Variants in UROC1 observed in about 807,000 individuals in gnomAD.
The protein encoded by UROC1 is urocanate hydratase 1.
UROC1 carries 79 observed loss-of-function variants against 89.5 expected under a neutral mutation model. The ratio of observed to expected loss-of-function variants is 0.88; its 90% CI spans 0.74 to 1.06. The LOEUF is 1.06. Among genes scored for constraint, UROC1 ranks in the 50% least tolerant of loss-of-function variants. The pLI, the probability that UROC1 is intolerant of heterozygous loss-of-function variation, is 0.00. For missense variants in UROC1, 885 were observed against 907.8 expected, an observed-to-expected ratio of 0.97 and a Z score of 0.32; for synonymous variants, 361 against 354.8, an observed-to-expected ratio of 1.02 and a Z score of -0.20.
chr3:126,513,285 T>C (rs1469799950), intron 1 of UROC1, among the ~76,000 whole-genome samples: 1 of 152,230 alleles, frequency 6.6e-6, no homozygotes, highest in East Asian at 1.9e-4. Flanking sequence ...CCAGAAACCA[T>C]GGCCACTATC....
intron 1 of UROC1, among the ~76,000 whole-genome samples, chr3:126,515,285 A>G (rs1421467028): frequency 1.3e-5 from 2 of 151,884 alleles, no homozygotes; most frequent in African/African-American, 4.8e-5. Context: ...GGGAGGAAAC[A>G]TTAACAACAC....
chr3:126,497,381 T>A (rs565440268), intron 14 of UROC1, among the ~76,000 whole-genome samples: 1 of 152,128 alleles, frequency 6.6e-6, no homozygotes, highest in Non-Finnish European at 1.5e-5. Flanking sequence ...GAACAAAGGT[T>A]GGTTAAAACC....
chr3:126,511,212 G>T (rs1410992752), intron 1 of UROC1, among the ~76,000 whole-genome samples: 1 of 152,146 alleles, frequency 6.6e-6, no homozygotes, highest in Non-Finnish European at 1.5e-5. Flanking sequence ...ATAAGAAAAA[G>T]CTGTCAAAAG....
chr3:126,505,628 G>A (rs1421557451), intron 8 of UROC1, 73 bp downstream of exon 8: 24 of 1,584,738 alleles, frequency 1.5e-5, no homozygotes, highest in Admixed American at 3.5e-5. Flanking sequence ...TAAGTGATCC[G>A]GGAGGAAGAA....
At chr3:126,483,106 C>A (rs1318016226) in intron 19 of UROC1, among the ~76,000 whole-genome samples, 1 of 152,216 alleles carries the variant, frequency 6.6e-6, no homozygotes. Context: ...AGCCCAGGGG[C>A]TTTCAGTCAC....
intron 19 of UROC1, among the ~76,000 whole-genome samples, chr3:126,482,837 C>G (rs1935420288): frequency 1.3e-5 from 2 of 152,238 alleles, no homozygotes; most frequent in African/African-American, 4.8e-5. Context: ...CACCTGGTCT[C>G]CCCTGGATGA....
At position 126,481,691 on chromosome 3, in the gene UROC1, C is replaced by A. The variant is rs1160488116; in HGVS notation, c.*654G>T. 1.3e-5 allele frequency: 2 copies of A among 152,228 alleles called. No individual in the cohort carries two copies. The highest frequency in any genetic ancestry group is 4.8e-5 in the African/African-American group (2 of 41,432). 9.4% of individuals were successfully genotyped at this position (152,228 alleles called of 1,614,324 possible). A position where few individuals can be genotyped will look rare whatever the true frequency, so the allele number is the denominator to read the frequency against. ...ATGGGATTGGGGAAGGGGTGCCAGA[C>A]TCCAGCCTCAGGGGCCAGCAAAGGG... On this transcript the variant is annotated 3_prime_UTR_variant, in exon 20 of 20. Transcript: ENST00000290868.
intron 11 of UROC1, 72 bp from the exon 12 acceptor site, chr3:126,500,226 C>T: frequency 6.8e-7 from 1 of 1,463,586 alleles, no homozygotes; most frequent in Non-Finnish European, 9.4e-7. Context: ...CCCTCAGTCG[C>T]ACCCGCCATG....
intron 17 of UROC1, 62 bp downstream of exon 17, chr3:126,489,213 GC>G (rs966528395): frequency 1.4e-6 from 2 of 1,447,706 alleles, no homozygotes; most frequent in African/African-American, 2.8e-5. Flanking sequence ...CTGACTAAAT[GC>G]ATCAATTTTT....
intron 16 of UROC1, 119 bp from the exon 17 acceptor site, chr3:126,489,494 G>T (rs1480773322): frequency 1.3e-6 from 1 of 786,724 alleles, no homozygotes; most frequent in Non-Finnish European, 2.2e-6. Context: ...CTGGAAAATA[G>T]ACCCTCTTCA....
Position 126,517,709 on chromosome 3 carries a change from A to G in UROC1, c.11T>C (p.Leu4Pro), listed in dbSNP as rs996153552. The G allele has an allele frequency of 2.5e-6, 4 of 1,579,990 alleles. No individual in the cohort carries two copies. The highest frequency in any genetic ancestry group is 3.4e-6 in the Non-Finnish European group (4 of 1,163,438). ...GGGCAGGCCAGAGCACAGCGCCTGGAGGCTAGACATGTGTGACTGAGATGG... is the reference window on the plus strand; with the variant it reads ...GGGCAGGCCAGAGCACAGCGCCTGGGGGCTAGACATGTGTGACTGAGATGG... Reference protein sequence around the residue: MSSLQALCSGLPLR... With the variant: MSSPQALCSGLPLR... The change falls in exon 1 of 20, where the codon CTC becomes CCC. Residue 4 changes from leucine to proline, a missense_variant. Leu to Pro is a moderately conservative substitution (Grantham distance 98). Transcript: ENST00000290868.
At chr3:126,499,228 G>C (rs1935851585) in intron 13 of UROC1, 109 bp downstream of exon 13, 1 of 1,206,382 alleles carries the variant, frequency 8.3e-7, no homozygotes, top group Admixed American at 1.9e-5. Context: ...ATGACCTCAG[G>C]GGCGGTCAGA....
intron 6 of UROC1, 118 bp downstream of exon 6, chr3:126,507,624 A>G (rs186817105): frequency 1.3e-5 from 14 of 1,063,746 alleles, no homozygotes; most frequent in Middle Eastern, 2.0e-4. Flanking sequence ...AAAATTAATT[A>G]TGCTACAGTT....
chr3:126,494,547 G>A (rs965700420), intron 15 of UROC1, among the ~76,000 whole-genome samples: 3 of 152,214 alleles, frequency 2.0e-5, no homozygotes, highest in Middle Eastern at 3.2e-3. Flanking sequence ...GCCCAGGACA[G>A]GGGCAGGCCT....
In UROC1 at chr3:126,492,440, G is replaced by T; in HGVS notation, c.1586C>A (p.Ala529Asp). Residue 529 changes from alanine to aspartate, a missense_variant, in exon 16 of 20, where the codon GCC (alanine) becomes GAC (aspartate). Ala to Asp is a moderately radical substitution (Grantham distance 126). Transcript: ENST00000290868. ...CACCTTGATCCTCCTGCAGGCGATG[G>T]CCTGGTTAATGGCCACAGCGATGGC... ...RVAIAVAINQ[A>D]IACRRIKAPV... 2 of 1,613,646 alleles carry T rather than the reference G, an allele frequency of 1.2e-6. No individual in the cohort carries two copies. The highest frequency in any genetic ancestry group is 1.1e-5 in the South Asian group (1 of 91,034).
At chr3:126,488,414 G>T (rs1028603806) in intron 17 of UROC1, 135 bp from the exon 18 acceptor site, 3 of 901,222 alleles carry the variant, frequency 3.3e-6, no homozygotes, top group African/African-American at 3.3e-5. Context: ...CTAGGGACAG[G>T]GCCTCTCACA....
intron 16 of UROC1, among the ~76,000 whole-genome samples, chr3:126,492,106 C>G (rs1935668125): frequency 6.6e-6 from 1 of 152,098 alleles, no homozygotes; most frequent in Non-Finnish European, 1.5e-5. Flanking sequence ...TTCCCACCAC[C>G]CCCTCACAGC....
intron 1 of UROC1, among the ~76,000 whole-genome samples, chr3:126,512,914 T>C (rs1936225573): frequency 6.6e-6 from 1 of 152,222 alleles, no homozygotes; most frequent in African/African-American, 2.4e-5. Flanking sequence ...CCACTTCAGA[T>C]TTCTGATCTC....
intron 3 of UROC1, among the ~76,000 whole-genome samples, chr3:126,509,200 T>C (rs985558528): frequency 6.7e-6 from 1 of 148,616 alleles, no homozygotes; most frequent in African/African-American, 2.5e-5. Flanking sequence ...CAAGCCACTA[T>C]ACTCCAGCCT....
Sources: allele counts gnomAD v4.1 joint callset (sites outside exome capture counted in the v4.1 genomes callset), GRCh38; gene constraint gnomAD v4.1.1; transcripts MANE v1.5; gene names NCBI Gene and HGNC (gene_info 2026-07-23, HGNC 2026-07-21).